AMBRA1: variants seen among roughly 807,000 people sequenced by gnomAD.
The protein encoded by AMBRA1 is activating molecule in BECN1-regulated autophagy protein 1.
A neutral mutation model predicts 125.4 loss-of-function variants in AMBRA1; 47 were observed. That is an observed-to-expected ratio of 0.37 (90% CI 0.30 to 0.48). The LOEUF is 0.48. AMBRA1 is among the 20% of genes least tolerant of loss of function. The pLI is 0.99. For missense variants in AMBRA1, 1,331 were observed against 1,693.4 expected (o/e 0.79, Z 3.76); for synonymous variants, 626 against 655.5 (o/e 0.95, Z 0.69).
At chr11:46,411,507 T>G (rs1045829103) in intron 15 of AMBRA1, among the ~76,000 whole-genome samples, 9 of 152,318 alleles carry the variant, frequency 5.9e-5, no homozygotes, top group Non-Finnish European at 1.3e-4. Context: ...CTCACTCTGA[T>G]GCCCAGGCTG....
At chr11:46,518,050 T>C in intron 7 of AMBRA1, 1 of 904,810 alleles carries the variant, frequency 1.1e-6, no homozygotes, top group Non-Finnish European at 1.3e-6. Context: ...TTTGAAATTA[T>C]TTCAAAATGA....
At chr11:46,546,943 TG>T in intron 4 of AMBRA1, 169 bp downstream of exon 4, 1 of 573,870 alleles carries the variant, frequency 1.7e-6, no homozygotes, top group Non-Finnish European at 3.0e-6. Flanking sequence ...TGATGGCACA[TG>T]CCTGTAATCC....
intron 7 of AMBRA1, among the ~76,000 whole-genome samples, chr11:46,534,777 G>A (rs1040910197): frequency 2.6e-5 from 4 of 152,134 alleles, no homozygotes; most frequent in Admixed American, 1.3e-4. Flanking sequence ...GAGCTCAAGC[G>A]ATCCTCCCAC....
At position 46,397,581 on chromosome 11, in the gene AMBRA1, T is replaced by A; in HGVS notation, c.3766A>T (p.Ile1256Phe). Residue 1256 changes from isoleucine (I) to phenylalanine (F), a missense_variant, in exon 18 of 18, where the codon ATT becomes TTT. Ile to Phe is a conservative substitution (Grantham distance 21, BLOSUM62 0). Around this residue, in one of 4 missense-constraint regions of AMBRA1, gnomAD observed 144 missense variants for 133.9 expected, o/e 1.08. Coordinates refer to ENST00000683756, the MANE Select transcript of AMBRA1 (RefSeq NM_001387011.1). ...TCAGCGCTGGGAAGGGAAACAGGAATGGGGACAGGGGAGGAAGAGGGCAGG... is the reference window on the plus strand; with the variant it reads ...TCAGCGCTGGGAAGGGAAACAGGAAAGGGGACAGGGGAGGAAGAGGGCAGG... Reference protein sequence around the residue: ...PTLPSSSPVPIPVSLPSAEGP... With the variant: ...PTLPSSSPVPFPVSLPSAEGP... 1 of 1,589,996 alleles carries A rather than the reference T, an allele frequency of 6.3e-7. No homozygotes were observed. The highest frequency in any genetic ancestry group is 8.6e-7 in the Non-Finnish European group (1 of 1,166,196).
Position 46,545,638 on chromosome 11 carries a change from C to G in AMBRA1, c.517G>C (p.Val173Leu), listed in dbSNP as rs1565279098. The G allele has an allele frequency of 1.2e-6, 2 of 1,614,088 alleles. No individual in the cohort carries two copies. The highest frequency in any genetic ancestry group is 1.7e-5 in the Admixed American group (1 of 60,018). ...WDWSRREPFA[V>L]VKTASEMERV... ...TCCATCTCACTAGCTGTCTTCACCA[C>G]AGCAAAGGGTTCCCGTCGACTCCAG... Residue 173 changes from valine to leucine, a missense_variant, in exon 5 of 18, where the codon GTG becomes CTG. Physicochemically the swap from Val to Leu is conservative, Grantham distance 32. Around this residue, in one of 4 missense-constraint regions of AMBRA1, gnomAD observed 144 missense variants for 250.4 expected, o/e 0.58. Coordinates refer to ENST00000683756, the MANE Select transcript of AMBRA1 (RefSeq NM_001387011.1).
At chr11:46,571,211 A>C (rs1236215848) in intron 1 of AMBRA1, among the ~76,000 whole-genome samples, 1 of 152,222 alleles carries the variant, frequency 6.6e-6, no homozygotes, top group Admixed American at 6.6e-5. Flanking sequence ...CAAATCACTC[A>C]GTAAGTATGA....
chr11:46,399,230 C>T (rs1464948514), intron 17 of AMBRA1, among the ~76,000 whole-genome samples: 1 of 151,928 alleles, frequency 6.6e-6, no homozygotes, highest in Non-Finnish European at 1.5e-5. Flanking sequence ...CCCGCCACCA[C>T]ACCCAGCTAA....
chr11:46,564,304 T>C (rs888409907), intron 1 of AMBRA1, among the ~76,000 whole-genome samples: 1 of 151,720 alleles, frequency 6.6e-6, no homozygotes, highest in African/African-American at 2.4e-5. Context: ...CACATATATA[T>C]ACACTTAAAG....
intron 9 of AMBRA1, among the ~76,000 whole-genome samples, chr11:46,505,914 G>C (rs757071742): frequency 6.6e-6 from 1 of 152,144 alleles, no homozygotes; most frequent in Admixed American, 6.5e-5. Context: ...AAAAGATAAC[G>C]CAGTCTCCCA....
intron 7 of AMBRA1, among the ~76,000 whole-genome samples, chr11:46,540,438 G>T (rs1227783210): frequency 6.6e-6 from 1 of 152,176 alleles, no homozygotes; most frequent in African/African-American, 2.4e-5. Context: ...AGACCAGTAT[G>T]CCAGGCACAA....
At chr11:46,492,733 C>G (rs908640455) in intron 11 of AMBRA1, among the ~76,000 whole-genome samples, 1 of 152,222 alleles carries the variant, frequency 6.6e-6, no homozygotes, top group Admixed American at 6.5e-5. Flanking sequence ...CGAAAAACAT[C>G]TGTCACTAAG....
intron 11 of AMBRA1, among the ~76,000 whole-genome samples, chr11:46,449,435 A>T (rs865943437): frequency 6.6e-6 from 1 of 152,240 alleles, no homozygotes; most frequent in Non-Finnish European, 1.5e-5. Flanking sequence ...TTACATTAGC[A>T]TCAAAAAAAT....
chr11:46,592,029 T>C (rs1488549675), intron 1 of AMBRA1, among the ~76,000 whole-genome samples: 1 of 133,826 alleles, frequency 7.5e-6, no homozygotes, highest in African/African-American at 2.8e-5. Context: ...CACCGCAACC[T>C]CCGCCTCCCG....
At chr11:46,435,141 T>C (rs1235211780) in intron 12 of AMBRA1, 104 bp from the exon 13 acceptor site, 1 of 995,776 alleles carries the variant, frequency 1.0e-6, no homozygotes, top group Non-Finnish European at 1.4e-6. Context: ...GCCTGAACCT[T>C]GTCTAGAAAT....
intron 15 of AMBRA1, among the ~76,000 whole-genome samples, chr11:46,414,555 T>C (rs1946444982): frequency 6.6e-6 from 1 of 152,114 alleles, no homozygotes. Flanking sequence ...CCTCCCCCTA[T>C]CACATTTGTA....
chr11:46,443,536 G>T lies in AMBRA1; in HGVS notation c.2584C>A (p.Leu862Ile), dbSNP rs1405451661. The change falls in exon 12 of 18, where the codon CTC becomes ATC. Residue 862 changes from leucine (L) to isoleucine (I), a missense_variant. Leu to Ile is a conservative substitution (Grantham distance 5). This residue lies in a region of AMBRA1 where 354 missense variants were observed against 532.7 expected (regional missense o/e 0.66). Transcript: ENST00000683756. ...AACTTAGTGAAGTCCCACCACTGGA[G>T]CCGGTAGGTAGTATTGGCAATGTTA... is the stretch of plus-strand genomic sequence containing the variant. ...ASNIANTTYR[L>I]QWWDFTKFDL... The T allele has an allele frequency of 4.3e-6, 7 of 1,614,188 alleles. No individual in the cohort carries two copies. Among genetic ancestry groups the T allele is most frequent in the Non-Finnish European group, 5.9e-6 (7 of 1,180,026 alleles).
chr11:46,413,850 C>T (rs146553727), intron 15 of AMBRA1, among the ~76,000 whole-genome samples: 44 of 152,300 alleles, frequency 2.9e-4, no homozygotes, highest in African/African-American at 7.5e-4. Flanking sequence ...AAGAATGATC[C>T]CAACATGTCC....
intron 1 of AMBRA1, among the ~76,000 whole-genome samples, chr11:46,561,651 C>T (rs1191536180): frequency 1.3e-5 from 2 of 152,148 alleles, no homozygotes; most frequent in African/African-American, 4.8e-5. Flanking sequence ...GTTTTCCAAT[C>T]TTATAGTCAG....
At chr11:46,441,888 C>T (rs1171646724) in intron 12 of AMBRA1, among the ~76,000 whole-genome samples, 3 of 148,914 alleles carry the variant, frequency 2.0e-5, no homozygotes, top group Non-Finnish European at 4.4e-5. Flanking sequence ...GAGATTTATA[C>T]TATGGAGGTT....
Sources: allele counts gnomAD v4.1 joint callset (sites outside exome capture counted in the v4.1 genomes callset), GRCh38; gene constraint gnomAD v4.1.1; regional missense constraint gnomAD v4.1.1; transcripts MANE v1.5; gene names NCBI Gene and HGNC (gene_info 2026-07-23, HGNC 2026-07-21).